The following SYT6 variants were observed in gnomAD, a reference collection of about 807,000 sequenced individuals.
The protein encoded by SYT6 is synaptotagmin-6.
Under a neutral mutation model 38.4 loss-of-function variants are expected in SYT6, and 24 were observed. That is an observed-to-expected ratio of 0.62 (90% CI 0.45 to 0.88). The LOEUF (loss-of-function observed/expected upper bound fraction) is 0.88. SYT6 is among the 40% of genes least tolerant of loss of function. SYT6 has a pLI of 0.00. For synonymous variants in SYT6, 265 were observed against 241.9 expected (o/e 1.10, Z -0.89); for missense variants, 611 against 621.0 (o/e 0.98, Z 0.17).
At chr1:114,138,123 C>G (rs11102739) in intron 2 of SYT6, 70 bp from the exon 3 acceptor site, 10 of 1,456,282 alleles carry the variant, frequency 6.9e-6, no homozygotes, top group Middle Eastern at 3.8e-4. Context: ...AAGGCAAACA[C>G]GAGCCTGGAG....
chr1:114,101,972 G>A (rs748164601), intron 4 of SYT6, among the ~76,000 whole-genome samples: 1 of 152,112 alleles, frequency 6.6e-6, no homozygotes, highest in Non-Finnish European at 1.5e-5. Flanking sequence ...CCAAACCCAG[G>A]TCAAAAAGAG....
intron 3 of SYT6, among the ~76,000 whole-genome samples, chr1:114,107,304 C>T (rs1365119915): frequency 6.6e-6 from 1 of 152,232 alleles, no homozygotes; most frequent in Non-Finnish European, 1.5e-5. Context: ...CCGCAGACCT[C>T]CCTGGTTTTT....
chr1:114,128,426 C>T (rs1020025648), intron 3 of SYT6, among the ~76,000 whole-genome samples: 7 of 152,210 alleles, frequency 4.6e-5, no homozygotes, highest in Non-Finnish European at 1.0e-4. Context: ...CAACTTTTCC[C>T]TAAGCTATGG....
intron 3 of SYT6, among the ~76,000 whole-genome samples, chr1:114,131,855 G>C (rs191697681): frequency 6.6e-6 from 1 of 152,194 alleles, no homozygotes; most frequent in African/African-American, 2.4e-5. Flanking sequence ...GAAATGACCA[G>C]ATTTTGAGAT....
At chr1:114,135,444 C>A (rs531343179) in intron 3 of SYT6, among the ~76,000 whole-genome samples, 1 of 152,194 alleles carries the variant, frequency 6.6e-6, no homozygotes, top group Admixed American at 6.5e-5. Context: ...CAGCCCCACC[C>A]TCAACCCCAT....
intron 2 of SYT6, 80 bp from the exon 3 acceptor site, chr1:114,138,133 G>C: frequency 1.5e-6 from 2 of 1,371,574 alleles, no homozygotes; most frequent in South Asian, 2.9e-5. Context: ...CGAGCCTGGA[G>C]GCCCTGGCTC....
At chr1:114,096,868 C>T (rs140929776) in intron 6 of SYT6, among the ~76,000 whole-genome samples, 105 of 152,222 alleles carry the variant, frequency 6.9e-4, no homozygotes, top group African/African-American at 2.4e-3. Context: ...GGATACAGAC[C>T]GAGGTATGAG....
Position 114,153,806 on chromosome 1 carries a change from C to G in SYT6, c.-34G>C, listed in dbSNP as rs1571912035. On this transcript the variant is annotated 5_prime_UTR_variant, in exon 1 of 8. Coordinates refer to ENST00000610222, the MANE Select transcript of SYT6 (RefSeq NM_001253772.2). ...CACCCAGGCTTGCCGAGCAGCAGCT[C>G]GAACCCGCGCCCCGGCCGCACTGGG... The G allele has an allele frequency of 3.3e-6, 2 of 614,686 alleles. No individual in the cohort carries two copies. Among genetic ancestry groups the G allele is most frequent in the Non-Finnish European group, 5.7e-6 (2 of 350,432 alleles). 38.1% of individuals were successfully genotyped at this position (614,686 alleles called of 1,614,324 possible). A position where few individuals can be genotyped will look rare whatever the true frequency, so the allele number is the denominator to read the frequency against.
chr1:114,099,883 G>A (rs1244185525), intron 4 of SYT6, among the ~76,000 whole-genome samples: 1 of 152,070 alleles, frequency 6.6e-6, no homozygotes, highest in Admixed American at 6.5e-5. Context: ...GCATCTAGAA[G>A]GCGTGAAGTG....
intron 3 of SYT6, among the ~76,000 whole-genome samples, chr1:114,123,747 A>C (rs1048644814): frequency 6.6e-6 from 1 of 152,212 alleles, no homozygotes; most frequent in African/African-American, 2.4e-5. Flanking sequence ...CTGGTAATAT[A>C]AAAAAGAACT....
intron 3 of SYT6, among the ~76,000 whole-genome samples, chr1:114,131,562 C>G (rs528844428): frequency 6.6e-6 from 1 of 152,268 alleles, no homozygotes; most frequent in African/African-American, 2.4e-5. Context: ...AGGTGTGTGC[C>G]TTGTGTATGA....
rs752738830 is a variant in SYT6 at position 114,137,592 on chromosome 1, T to C, written c.974A>G (p.His325Arg). The C allele has an allele frequency of 1.2e-6, 2 of 1,614,172 alleles. No homozygotes were observed. The highest frequency in any genetic ancestry group is 1.1e-5 in the South Asian group (1 of 91,074). ...CAGGATGACCTCGCCAATCATGTCA[T>C]GGCGGGAGAAGCGGTCAAAGTCGAA... The part of the protein sequence containing the change: ...SVFDFDRFSR[H>R]DMIGEVILDN... The change falls in exon 3 of 8, where the codon CAT becomes CGT. Residue 325 changes from histidine to arginine, a missense_variant. Coordinates refer to ENST00000610222, the MANE Select transcript of SYT6 (RefSeq NM_001253772.2).
intron 1 of SYT6, chr1:114,153,059 G>A (rs1679531334): frequency 7.5e-6 from 1 of 132,992 alleles, no homozygotes; most frequent in South Asian, 2.6e-4. Flanking sequence ...ACCACTCGCA[G>A]CCGGAGAGAC....
At chr1:114,151,465 A>T (rs1679434147) in intron 1 of SYT6, among the ~76,000 whole-genome samples, 1 of 152,064 alleles carries the variant, frequency 6.6e-6, no homozygotes, top group Non-Finnish European at 1.5e-5. Flanking sequence ...GGCACCTGTC[A>T]TTCCAGATTA....
chr1:114,117,975 C>T (rs1677097679), intron 3 of SYT6, among the ~76,000 whole-genome samples: 1 of 152,322 alleles, frequency 6.6e-6, no homozygotes, highest in Non-Finnish European at 1.5e-5. Context: ...ACTTTCGGGC[C>T]CCTTCCTGTT....
intron 3 of SYT6, among the ~76,000 whole-genome samples, chr1:114,113,713 G>A (rs1282594877): frequency 2.6e-5 from 4 of 152,042 alleles, no homozygotes; most frequent in African/African-American, 9.7e-5. Flanking sequence ...GCCACACGGA[G>A]GCCAAAGCCT....
chr1:114,112,813 C>A (rs1022367677), intron 3 of SYT6, among the ~76,000 whole-genome samples: 1 of 152,200 alleles, frequency 6.6e-6, no homozygotes, highest in Admixed American at 6.5e-5. Context: ...AGTTGTCTTG[C>A]CGAGTGGCTG....
At chr1:114,098,779 G>A (rs948782387) in intron 5 of SYT6, among the ~76,000 whole-genome samples, 7 of 152,276 alleles carry the variant, frequency 4.6e-5, no homozygotes, top group South Asian at 2.1e-4. Context: ...GGATAGAGGG[G>A]CATTTCAAAG....
chr1:114,103,940 A>G (rs952436654), intron 3 of SYT6, among the ~76,000 whole-genome samples: 4 of 152,186 alleles, frequency 2.6e-5, no homozygotes, highest in African/African-American at 9.7e-5. Flanking sequence ...GCCCCTTCCA[A>G]TATTCCCTCT....
Sources: gnomAD v4.1 joint callset for allele counts (sites outside exome capture counted in the v4.1 genomes callset) on GRCh38, gnomAD v4.1.1 for gene constraint, MANE v1.5 for transcripts, NCBI Gene and HGNC (gene_info 2026-07-23, HGNC 2026-07-21) for gene names.